KCTD8: variants seen among roughly 807,000 people sequenced by gnomAD.
The protein encoded by KCTD8 is BTB/POZ domain-containing protein KCTD8.
KCTD8 carries 27 observed loss-of-function variants against 31.5 expected under a neutral mutation model. The observed-to-expected ratio is 0.86, with a 90% CI of 0.63 to 1.18. The LOEUF is 1.18. Among genes scored for constraint, KCTD8 ranks in the 50% most tolerant of loss-of-function variants. KCTD8 has a pLI of 0.00. For synonymous variants in KCTD8, 290 were observed against 280.0 expected (o/e 1.04, Z -0.36); for missense variants, 658 against 647.7 (o/e 1.02, Z -0.17).
chr4:44,407,215 AC>A (rs1182601290), intron 1 of KCTD8, among the ~76,000 whole-genome samples: 3 of 152,068 alleles, frequency 2.0e-5, no homozygotes, highest in Non-Finnish European at 4.4e-5. Context: ...TTCATGCCCA[AC>A]CAAGTTCTGA....
intron 1 of KCTD8, among the ~76,000 whole-genome samples, chr4:44,379,675 C>T (rs1476161673): frequency 6.6e-6 from 1 of 152,054 alleles, no homozygotes; most frequent in Non-Finnish European, 1.5e-5. Flanking sequence ...TCAGATGGCA[C>T]ACTGCAAACT....
intron 1 of KCTD8, among the ~76,000 whole-genome samples, chr4:44,226,152 A>G (rs567390532): frequency 6.6e-5 from 10 of 151,914 alleles, no homozygotes; most frequent in African/African-American, 2.4e-4. Flanking sequence ...TTTAAGCCTC[A>G]TTTGCATTAG....
At chr4:44,424,771 A>T (rs191488614) in intron 1 of KCTD8, among the ~76,000 whole-genome samples, 1 of 152,124 alleles carries the variant, frequency 6.6e-6, no homozygotes, top group South Asian at 2.1e-4. Flanking sequence ...AATTTAATCA[A>T]TAGAAAATAT....
chr4:44,231,810 C>T (rs2109352823), intron 1 of KCTD8, among the ~76,000 whole-genome samples: 1 of 152,122 alleles, frequency 6.6e-6, no homozygotes, highest in Non-Finnish European at 1.5e-5. Flanking sequence ...GCCTTTCTTT[C>T]TCTTTCTCCT....
At chr4:44,282,345 C>T (rs995975218) in intron 1 of KCTD8, among the ~76,000 whole-genome samples, 1 of 152,022 alleles carries the variant, frequency 6.6e-6, no homozygotes, top group African/African-American at 2.4e-5. Context: ...GTTTTTGAGG[C>T]ATCACCAACC....
At chr4:44,413,256 G>A (rs1165431178) in intron 1 of KCTD8, among the ~76,000 whole-genome samples, 2 of 152,152 alleles carry the variant, frequency 1.3e-5, no homozygotes, top group African/African-American at 2.4e-5. Context: ...GGAAACAGAT[G>A]ACAGAATTTG....
intron 1 of KCTD8, among the ~76,000 whole-genome samples, chr4:44,214,850 A>G (rs1714603443): frequency 6.6e-6 from 1 of 152,216 alleles, no homozygotes; most frequent in Non-Finnish European, 1.5e-5. Context: ...ATAGTTTAGG[A>G]GTCATGCATC....
At chr4:44,352,534 T>G (rs1023712561) in intron 1 of KCTD8, among the ~76,000 whole-genome samples, 3 of 147,630 alleles carry the variant, frequency 2.0e-5, no homozygotes, top group African/African-American at 7.4e-5. Context: ...TTTTATATAC[T>G]ATTTATATTT....
chr4:44,411,751 A>G, intron 1 of KCTD8, among the ~76,000 whole-genome samples: 1 of 152,058 alleles, frequency 6.6e-6, no homozygotes, highest in Non-Finnish European at 1.5e-5. Context: ...ATAAGGAAGA[A>G]GAATGCCCTA....
intron 1 of KCTD8, among the ~76,000 whole-genome samples, chr4:44,280,628 G>T (rs991047703): frequency 6.6e-6 from 1 of 152,064 alleles, no homozygotes; most frequent in Admixed American, 6.6e-5. Context: ...TGTGGAAGGG[G>T]ACAGATGCAT....
intron 1 of KCTD8, among the ~76,000 whole-genome samples, chr4:44,370,769 G>T (rs1349700423): frequency 6.6e-6 from 1 of 152,094 alleles, no homozygotes; most frequent in East Asian, 1.9e-4. Flanking sequence ...AAAGAAAAGT[G>T]CAAAAAGTAT....
intron 1 of KCTD8, among the ~76,000 whole-genome samples, chr4:44,242,347 C>T (rs1223262112): frequency 6.6e-6 from 1 of 151,658 alleles, no homozygotes; most frequent in Non-Finnish European, 1.5e-5. Flanking sequence ...GGGAGGCCGA[C>T]GCAGGCGGAT....
At chr4:44,275,971 A>G (rs1716737950) in intron 1 of KCTD8, among the ~76,000 whole-genome samples, 1 of 151,990 alleles carries the variant, frequency 6.6e-6, no homozygotes, top group South Asian at 2.1e-4. Flanking sequence ...GTATTAAAAT[A>G]TAACTGAACT....
rs150875155 is a variant in KCTD8 at position 44,342,228 on chromosome 4, TG to T, written c.961+105334del. Among the ~76,000 whole-genome samples, 330 of 151,760 alleles carry T rather than the reference TG, an allele frequency of 2.2e-3. 1 individual carries two copies. Among genetic ancestry groups the T allele is most frequent in the African/African-American group, 7.3e-3 (301 of 41,412 alleles). ...CTACTAAAAATACAAAAAAATTAAC[TG>T]GGTGTGGCAGACGCCTGTAGTCCCA... On this transcript the variant is annotated intron_variant, in intron 1 of 1. Coordinates refer to ENST00000360029, the MANE Select transcript of KCTD8 (RefSeq NM_198353.3).
chr4:44,276,444 A>G (rs137900773), intron 1 of KCTD8, among the ~76,000 whole-genome samples: 1 of 152,038 alleles, frequency 6.6e-6, no homozygotes, highest in East Asian at 1.9e-4. Context: ...TTTTTAAATA[A>G]TTATCTAAGG....
chr4:44,193,669 C>T (rs910076157), intron 1 of KCTD8, among the ~76,000 whole-genome samples: 5 of 151,830 alleles, frequency 3.3e-5, no homozygotes, highest in Non-Finnish European at 7.4e-5. Context: ...AAAGGCTACA[C>T]ATATGAAAAT....
chr4:44,423,955 G>A (rs1721284176), intron 1 of KCTD8, among the ~76,000 whole-genome samples: 2 of 151,946 alleles, frequency 1.3e-5, no homozygotes, highest in South Asian at 4.1e-4. Context: ...GGTGCTAATG[G>A]CAAAACAATA....
chr4:44,396,060 G>T (rs1454261054), intron 1 of KCTD8, among the ~76,000 whole-genome samples: 8 of 152,044 alleles, frequency 5.3e-5, no homozygotes, highest in Non-Finnish European at 4.4e-5. Flanking sequence ...ATCAGTGGGA[G>T]CCCTGAGCTT....
At chr4:44,412,129 G>C (rs1409086251) in intron 1 of KCTD8, among the ~76,000 whole-genome samples, 2 of 152,092 alleles carry the variant, frequency 1.3e-5, no homozygotes, top group Non-Finnish European at 2.9e-5. Context: ...AGAATTGAGA[G>C]AAGATATTCA....
Sources: gnomAD v4.1 joint callset for allele counts (sites outside exome capture counted in the v4.1 genomes callset) on GRCh38, gnomAD v4.1.1 for gene constraint, MANE v1.5 for transcripts, NCBI Gene and HGNC (gene_info 2026-07-23, HGNC 2026-07-21) for gene names.